HPSE2: variants seen among roughly 807,000 people sequenced by gnomAD.
HPSE2 encodes the protein inactive heparanase-2.
In HPSE2, 38 loss-of-function variants were observed where a neutral mutation model predicts 60.5. The ratio of observed to expected loss-of-function variants is 0.63; its 90% CI spans 0.48 to 0.82. The LOEUF (loss-of-function observed/expected upper bound fraction) is 0.82. Among genes scored for constraint, HPSE2 ranks in the 40% least tolerant of loss-of-function variants. The pLI, the probability that HPSE2 is intolerant of heterozygous loss-of-function variation, is 0.00. For synonymous variants in HPSE2, 295 were observed against 293.2 expected (o/e 1.01, Z -0.06); for missense variants, 713 against 740.4 (o/e 0.96, Z 0.43).
At chr10:98,746,265 TAAAGTGATCATG>T (rs1272783582) in intron 3 of HPSE2, among the ~76,000 whole-genome samples, 1 of 51,976 alleles carries the variant, frequency 1.9e-5, no homozygotes, top group Non-Finnish European at 5.6e-5. Flanking sequence ...TATAGCTTAG[TAAAGTGATCATG>T]AAACCAGTAT....
intron 4 of HPSE2, among the ~76,000 whole-genome samples, chr10:98,743,207 G>A (rs897048258): frequency 4.0e-5 from 6 of 151,678 alleles, no homozygotes; most frequent in African/African-American, 2.4e-5. Flanking sequence ...TCCTGACCTC[G>A]TGATCCGCCT....
At chr10:99,289,267 T>C in the HPSE2 span, among the ~76,000 whole-genome samples, 1 of 152,066 alleles carries the variant, frequency 6.6e-6, no homozygotes, top group East Asian at 1.9e-4. Context: ...AACTAAATCA[T>C]AAATAGAAGA....
intron 2 of HPSE2, among the ~76,000 whole-genome samples, chr10:99,176,039 GA>G (rs1435672063): frequency 6.6e-6 from 1 of 152,186 alleles, no homozygotes; most frequent in Admixed American, 6.5e-5. Context: ...CTCACTGTTA[GA>G]AGGAAAACTA....
rs538963744 is a variant in HPSE2 at position 99,233,286 on chromosome 10, GTAACA to G, written c.291-786_291-782del. 8.5e-5 allele frequency among the ~76,000 whole-genome samples: 13 copies of G among 152,122 alleles called. No individual in the cohort carries two copies. In the South Asian group the frequency reaches 2.7e-3, roughly 32 times the overall value. On this transcript the variant is annotated intron_variant, in intron 1 of 11. Coordinates refer to ENST00000370552, the MANE Select transcript of HPSE2 (RefSeq NM_021828.5). ...ATAATTCCGCCTGATCTCAGGAAAG[GTAACA>G]TCCTCCTCCCCACCCCACCCCCGAG...
At chr10:99,119,934 C>CA (rs1386999702) in intron 3 of HPSE2, among the ~76,000 whole-genome samples, 2 of 152,114 alleles carry the variant, frequency 1.3e-5, no homozygotes, top group African/African-American at 4.8e-5. Context: ...ACACCATATA[C>CA]AAAAATCAAC....
intron 3 of HPSE2, among the ~76,000 whole-genome samples, chr10:98,930,985 T>A (rs10786487): frequency 0.61 from 86,523 of 142,716 alleles, 30,589 homozygotes; most frequent in Non-Finnish European, 0.68. Context: ...AGATCCCATT[T>A]GTCAATTTTT....
chr10:99,206,288 C>T (rs1314491492), intron 2 of HPSE2, among the ~76,000 whole-genome samples: 2 of 152,140 alleles, frequency 1.3e-5, no homozygotes, highest in African/African-American at 4.8e-5. Flanking sequence ...GCTATTAGTA[C>T]TTATGTTTTT....
intron 11 of HPSE2, among the ~76,000 whole-genome samples, chr10:98,471,147 T>C (rs751520982): frequency 1.3e-5 from 2 of 152,212 alleles, no homozygotes; most frequent in African/African-American, 4.8e-5. Flanking sequence ...CAAAATGGCA[T>C]AGCGCCTGAA....
intron 3 of HPSE2, among the ~76,000 whole-genome samples, chr10:99,074,686 A>G (rs1157474442): frequency 2.6e-5 from 4 of 152,070 alleles, no homozygotes; most frequent in African/African-American, 9.7e-5. Flanking sequence ...ACCTAGCACT[A>G]GGCTTTTTGT....
rs747434157 is a variant in HPSE2, at chr10:98,596,303, TAACA to T, written c.1320+18597_1320+18600del. On this transcript the variant is annotated intron_variant, in intron 9 of 11. Transcript: ENST00000370552. The stretch of plus-strand genomic sequence containing the variant: ...AAATATTTTTATATTGTGTATCCCC[TAACA>T]AATTATTGTTGCTATTGTTATTTTT... 5.8e-4 allele frequency among the ~76,000 whole-genome samples: 88 copies of T among 150,910 alleles called. 1 individual carries two copies. The highest frequency in any genetic ancestry group is 9.0e-4 in the Non-Finnish European group (61 of 67,806).
intron 9 of HPSE2, among the ~76,000 whole-genome samples, chr10:98,596,128 T>A (rs781655504): frequency 6.6e-6 from 1 of 152,206 alleles, no homozygotes; most frequent in Admixed American, 6.5e-5. Context: ...GACTTTTGCA[T>A]CTATATGCAT....
intron 2 of HPSE2, among the ~76,000 whole-genome samples, chr10:99,220,523 G>A (rs770214781): frequency 2.0e-5 from 3 of 152,148 alleles, no homozygotes; most frequent in Non-Finnish European, 2.9e-5. Flanking sequence ...TGGGGATGGA[G>A]GCCAGGTGTG....
At chr10:98,769,852 A>G (rs1252387018) in intron 3 of HPSE2, among the ~76,000 whole-genome samples, 2 of 152,224 alleles carry the variant, frequency 1.3e-5, no homozygotes, top group Admixed American at 1.3e-4. Flanking sequence ...CATGGGATGG[A>G]ATAATGAGTC....
chr10:98,688,480 T>C, intron 6 of HPSE2, among the ~76,000 whole-genome samples: 1 of 135,776 alleles, frequency 7.4e-6, no homozygotes, highest in Non-Finnish European at 1.6e-5. Flanking sequence ...TTTTTTTCTT[T>C]TTTTTTTTTT....
intron 3 of HPSE2, among the ~76,000 whole-genome samples, chr10:98,972,061 T>A (rs1033137200): frequency 9.9e-5 from 15 of 152,170 alleles, no homozygotes; most frequent in African/African-American, 2.7e-4. Context: ...CCTTTCAACG[T>A]ATGGCATTAT....
chr10:99,083,087 C>T (rs1411469978), intron 3 of HPSE2, among the ~76,000 whole-genome samples: 1 of 152,142 alleles, frequency 6.6e-6, no homozygotes, highest in Non-Finnish European at 1.5e-5. Context: ...AGGAAATAGA[C>T]ACTACATAGA....
intron 2 of HPSE2, among the ~76,000 whole-genome samples, chr10:99,222,454 C>G (rs1015999905): frequency 2.0e-5 from 3 of 152,108 alleles, no homozygotes; most frequent in African/African-American, 7.2e-5. Context: ...TATCAATTCC[C>G]TTTTCTCTTC....
Position 98,992,969 on chromosome 10 carries a change from C to A in HPSE2, c.610+151269G>T, listed in dbSNP as rs552225377. ...GGGAATTTCTACAGTTAACCAATAT[C>A]CAGTTTCTAGTTCTGAGTACATAGA... is the stretch of plus-strand genomic sequence containing the variant. On this transcript the variant is annotated intron_variant, in intron 3 of 11. Coordinates refer to ENST00000370552, the MANE Select transcript of HPSE2 (RefSeq NM_021828.5). Among the ~76,000 whole-genome samples the A allele has an allele frequency of 2.0e-4, 30 of 152,276 alleles. 1 individual carries two copies. The South Asian group carries it at 3.5e-3, about 18-fold the overall frequency.
chr10:99,245,155 C>A, the HPSE2 span, among the ~76,000 whole-genome samples: 1 of 152,106 alleles, frequency 6.6e-6, no homozygotes, highest in Admixed American at 6.6e-5. Context: ...TAAAAATAGT[C>A]TTTTCCCCTT....
Sources: gnomAD v4.1 joint callset for allele counts (sites outside exome capture counted in the v4.1 genomes callset) on GRCh38, gnomAD v4.1.1 for gene constraint, MANE v1.5 for transcripts, NCBI Gene and HGNC (gene_info 2026-07-23, HGNC 2026-07-21) for gene names.